The following PARM1 variants were observed in gnomAD, a reference collection of about 807,000 sequenced individuals.
PARM1 encodes the protein WSC4, cell wall integrity and stress response component 4 homolog.
A neutral mutation model predicts 24.6 loss-of-function variants in PARM1; 14 were observed. That is an observed-to-expected ratio of 0.57 (90% confidence interval 0.38 to 0.89). PARM1 has a LOEUF of 0.89. Among genes scored for constraint, PARM1 ranks in the 40% least tolerant of loss-of-function variants. The pLI is 0.00. For synonymous variants in PARM1, 179 were observed against 156.6 expected, an observed-to-expected ratio of 1.14 and a Z score of -1.07; for missense variants, 362 against 380.4, an observed-to-expected ratio of 0.95 and a Z score of 0.40.
At chr4:74,937,525 A>G (rs907585312) in intron 1 of PARM1, among the ~76,000 whole-genome samples, 1 of 152,242 alleles carries the variant, frequency 6.6e-6, no homozygotes, top group African/African-American at 2.4e-5. Context: ...ATTGAGGACA[A>G]GTACATTAAC....
intron 1 of PARM1, among the ~76,000 whole-genome samples, chr4:75,001,381 A>G (rs947018160): frequency 3.9e-5 from 6 of 152,240 alleles, no homozygotes; most frequent in African/African-American, 1.4e-4. Flanking sequence ...TATATTGCAT[A>G]ATTCCATTTA....
At chr4:75,011,400 T>C (rs1722866877) in intron 1 of PARM1, among the ~76,000 whole-genome samples, 1 of 151,978 alleles carries the variant, frequency 6.6e-6, no homozygotes, top group African/African-American at 2.4e-5. Context: ...ACATCTTGGT[T>C]TTTAACTGCG....
chr4:75,039,384 A>G (rs1004728861), intron 3 of PARM1, among the ~76,000 whole-genome samples: 2 of 152,076 alleles, frequency 1.3e-5, no homozygotes, highest in African/African-American at 4.8e-5. Flanking sequence ...ACAAAAAAAA[A>G]TTAGCTGGCC....
intron 1 of PARM1, among the ~76,000 whole-genome samples, chr4:74,949,875 GA>G (rs1324494949): frequency 6.8e-6 from 1 of 147,310 alleles, no homozygotes; most frequent in Non-Finnish European, 1.5e-5. Context: ...TTCTGCAACA[GA>G]AAAAGAGTGA....
chr4:75,017,932 A>T (rs748634502), intron 2 of PARM1, among the ~76,000 whole-genome samples: 51 of 152,244 alleles, frequency 3.3e-4, no homozygotes, highest in African/African-American at 1.2e-3. Flanking sequence ...TTCAGGTAAG[A>T]TAATAAATTT....
intron 2 of PARM1, among the ~76,000 whole-genome samples, chr4:75,022,204 T>C (rs1723100649): frequency 1.3e-5 from 2 of 152,062 alleles, no homozygotes; most frequent in African/African-American, 4.8e-5. Context: ...CTCTAATGAT[T>C]AGTGGTGTTG....
At chr4:74,987,665 A>G (rs1429037539) in intron 1 of PARM1, among the ~76,000 whole-genome samples, 1 of 152,224 alleles carries the variant, frequency 6.6e-6, no homozygotes, top group African/African-American at 2.4e-5. Flanking sequence ...TTTGCCATGC[A>G]ATTTGCTTGA....
Position 75,012,831 on chromosome 4 carries a change from C to T in PARM1, c.450C>T (p.Ser150=), listed in dbSNP as rs1722904095. 6.2e-7 allele frequency: 1 copy of T among 1,613,874 alleles called. No individual in the cohort carries two copies. The highest frequency in any genetic ancestry group is 1.1e-5 in the South Asian group (1 of 91,080). ...CTGCTGAGCCTCCCACACTCATCTCCCCTCAAGCTCCAGCCTCATCACCCT... is the reference window on the plus strand; with the variant it reads ...CTGCTGAGCCTCCCACACTCATCTCTCCTCAAGCTCCAGCCTCATCACCCT... ...QSAAEPPTLI[S]PQAPASSPSS... Residue 150 remains serine (S), a synonymous_variant, in exon 2 of 4, where the codon TCC becomes TCT. Coordinates refer to ENST00000307428, the MANE Select transcript of PARM1 (RefSeq NM_015393.4).
At chr4:75,003,029 C>A (rs546418600) in intron 1 of PARM1, among the ~76,000 whole-genome samples, 34 of 152,164 alleles carry the variant, frequency 2.2e-4, no homozygotes, top group Non-Finnish European at 3.5e-4. Context: ...AGGAAAGAAC[C>A]AGAGAACCTG....
intron 2 of PARM1, among the ~76,000 whole-genome samples, chr4:75,031,804 C>T (rs1662360280): frequency 6.6e-6 from 1 of 152,210 alleles, no homozygotes; most frequent in African/African-American, 2.4e-5. Flanking sequence ...GTTTTTTACA[C>T]TGCTCTTAAT....
chr4:74,986,928 T>C (rs1332691513), intron 1 of PARM1, among the ~76,000 whole-genome samples: 1 of 152,020 alleles, frequency 6.6e-6, no homozygotes, highest in African/African-American at 2.4e-5. Flanking sequence ...TGGAGTCAGG[T>C]CAGACAACTA....
chr4:75,000,289 C>T (rs1057111801), intron 1 of PARM1, among the ~76,000 whole-genome samples: 4 of 152,194 alleles, frequency 2.6e-5, no homozygotes, highest in South Asian at 2.1e-4. Context: ...TAGCTCTTTA[C>T]GTGGCCTATC....
chr4:74,962,925 A>C (rs1373082882), intron 1 of PARM1, among the ~76,000 whole-genome samples: 2 of 152,214 alleles, frequency 1.3e-5, no homozygotes, highest in African/African-American at 4.8e-5. Context: ...TGTAATCCCC[A>C]CATGTCAAGG....
chr4:74,935,002 T>TC (rs1387801655), intron 1 of PARM1, among the ~76,000 whole-genome samples: 8 of 147,492 alleles, frequency 5.4e-5, no homozygotes, highest in East Asian at 2.0e-4. Context: ...TTTTCTTTTT[T>TC]TTTTTTTTCT....
At chr4:74,944,354 C>T (rs1427580078) in intron 1 of PARM1, among the ~76,000 whole-genome samples, 1 of 152,170 alleles carries the variant, frequency 6.6e-6, no homozygotes, top group East Asian at 1.9e-4. Context: ...AAATATTTGC[C>T]TTGCTTGTTC....
chr4:75,043,200 TG>T (rs1312619227), intron 3 of PARM1, among the ~76,000 whole-genome samples: 3 of 152,182 alleles, frequency 2.0e-5, no homozygotes, highest in Non-Finnish European at 4.4e-5. Flanking sequence ...TAACTATGCC[TG>T]GGGTATAGTT....
chr4:74,940,383 A>C (rs1352757954), intron 1 of PARM1, among the ~76,000 whole-genome samples: 1 of 152,170 alleles, frequency 6.6e-6, no homozygotes, highest in African/African-American at 2.4e-5. Context: ...AACAATATTT[A>C]TTTCTTACAG....
chr4:74,981,019 G>A lies in PARM1; in HGVS notation c.44-31406G>A, dbSNP rs538556047. On this transcript the variant is annotated intron_variant, in intron 1 of 3. Transcript: ENST00000307428. ...CAAACTATAAACACCTTAGAAGAAA[G>A]TCTAGGCAATACCATTCAGAACATA... 1.3e-3 allele frequency among the ~76,000 whole-genome samples: 202 copies of A among 152,228 alleles called. 1 individual carries two copies. Among genetic ancestry groups the A allele is most frequent in the African/African-American group, 4.6e-3 (191 of 41,556 alleles).
At chr4:74,981,218 C>A (rs933069872) in intron 1 of PARM1, among the ~76,000 whole-genome samples, 1 of 152,098 alleles carries the variant, frequency 6.6e-6, no homozygotes, top group African/African-American at 2.4e-5. Context: ...ATCCATCTGA[C>A]AAAGGTCTAA....
Sources: gnomAD v4.1 joint callset for allele counts (sites outside exome capture counted in the v4.1 genomes callset) on GRCh38, gnomAD v4.1.1 for gene constraint, MANE v1.5 for transcripts, NCBI Gene and HGNC (gene_info 2026-07-23, HGNC 2026-07-21) for gene names.